Variants in CNTNAP2 observed in about 807,000 individuals in gnomAD.
The protein encoded by CNTNAP2 is contactin-associated protein-like 2.
CNTNAP2 carries 98 observed loss-of-function variants against 155.2 expected under a neutral mutation model. The ratio of observed to expected loss-of-function variants is 0.63; its 90% CI spans 0.54 to 0.75. CNTNAP2 has a LOEUF of 0.75. CNTNAP2 is among the 30% of genes least tolerant of loss of function. The pLI is 0.00. For synonymous variants in CNTNAP2, 651 were observed against 631.2 expected, an observed-to-expected ratio of 1.03 and a Z score of -0.47; for missense variants, 1,727 against 1,688.1, an observed-to-expected ratio of 1.02 and a Z score of -0.40.
intron 8 of CNTNAP2, among the ~76,000 whole-genome samples, chr7:147,236,494 A>C (rs934770734): frequency 2.0e-5 from 3 of 150,000 alleles, no homozygotes; most frequent in Non-Finnish European, 4.4e-5. Context: ...GATCATTCCA[A>C]TTTCACTGGA....
At chr7:148,256,737 T>C (rs2116824910) in intron 20 of CNTNAP2, among the ~76,000 whole-genome samples, 1 of 152,268 alleles carries the variant, frequency 6.6e-6, no homozygotes, top group Non-Finnish European at 1.5e-5. Flanking sequence ...GGATCTCTTC[T>C]AGTTTTGCAG....
intron 1 of CNTNAP2, among the ~76,000 whole-genome samples, chr7:146,371,793 T>TA (rs1289055096): frequency 2.6e-4 from 39 of 151,632 alleles, no homozygotes; most frequent in African/African-American, 9.4e-4. Context: ...CGTCTCTACT[T>TA]TAAAAAAATG....
At chr7:146,616,093 TATAGAA>T (rs1160160661) in intron 1 of CNTNAP2, among the ~76,000 whole-genome samples, 1 of 151,878 alleles carries the variant, frequency 6.6e-6, no homozygotes, top group Non-Finnish European at 1.5e-5. Flanking sequence ...TGCAGTAAAA[TATAGAA>T]AGAGAATCTA....
intron 3 of CNTNAP2, among the ~76,000 whole-genome samples, chr7:147,012,132 A>C (rs1584782566): frequency 6.6e-6 from 1 of 152,160 alleles, no homozygotes; most frequent in Non-Finnish European, 1.5e-5. Context: ...TAGGAATGTC[A>C]GTCATGACCT....
At chr7:146,170,828 C>G (rs934022846) in intron 1 of CNTNAP2, among the ~76,000 whole-genome samples, 1 of 152,000 alleles carries the variant, frequency 6.6e-6, no homozygotes, top group African/African-American at 2.4e-5. Context: ...GAGTTCTGGA[C>G]CAGCCTGGCC....
At chr7:147,851,001 A>G (rs201143639) in intron 13 of CNTNAP2, among the ~76,000 whole-genome samples, 5 of 152,146 alleles carry the variant, frequency 3.3e-5, no homozygotes, top group African/African-American at 9.7e-5. Flanking sequence ...CAGAATGGGA[A>G]AAAATTTTTG....
At chr7:147,519,023 CAAAAAA>C (rs149054741) in intron 11 of CNTNAP2, among the ~76,000 whole-genome samples, 2 of 102,272 alleles carry the variant, frequency 2.0e-5, no homozygotes, top group Non-Finnish European at 3.9e-5. Context: ...GACTCTGTCT[CAAAAAA>C]AAAAAAAAAA....
At position 147,140,544 on chromosome 7, in the gene CNTNAP2, A is replaced by G. The variant is rs542267400; in HGVS notation, c.1348+8035A>G. 1.5e-3 allele frequency among the ~76,000 whole-genome samples: 223 copies of G among 152,194 alleles called. 2 individuals carry two copies. Among genetic ancestry groups the G allele is most frequent in the Non-Finnish European group, 1.6e-3 (111 of 68,012 alleles). ...CCTCCCAATCTCAACTGCTGCTATCAATCCTTGTGCACACCTGTGCCAAAT... is the reference window on the plus strand; with the variant it reads ...CCTCCCAATCTCAACTGCTGCTATCGATCCTTGTGCACACCTGTGCCAAAT... On this transcript the variant is annotated intron_variant, in intron 8 of 23. Transcript: ENST00000361727.
At position 147,805,167 on chromosome 7, in the gene CNTNAP2, G is replaced by A. The variant is rs189813641; in HGVS notation, c.2099-98398G>A. Among the ~76,000 whole-genome samples the A allele has an allele frequency of 1.3e-4, 19 of 151,862 alleles. 1 individual carries two copies. The East Asian group carries it at 3.1e-3, about 25-fold the overall frequency. On this transcript the variant is annotated intron_variant, in intron 13 of 23. Coordinates refer to ENST00000361727, the MANE Select transcript of CNTNAP2 (RefSeq NM_014141.6). ...GCTCACTGCAACCTCCACCACCCAG[G>A]TTCAAGCGATTCTCCTGCCTCAGCC...
chr7:148,288,079 C>G (rs547742445), intron 21 of CNTNAP2, among the ~76,000 whole-genome samples: 1 of 149,804 alleles, frequency 6.7e-6, no homozygotes, highest in Non-Finnish European at 1.5e-5. Flanking sequence ...CGTGAGCCAC[C>G]GCGCCCAACC....
chr7:148,026,583 A>G (rs1471610151), intron 15 of CNTNAP2, among the ~76,000 whole-genome samples: 1 of 152,192 alleles, frequency 6.6e-6, no homozygotes, highest in African/African-American at 2.4e-5. Flanking sequence ...AGTAAGTCAG[A>G]TTCTTGATTT....
chr7:146,184,983 T>C (rs1798602102), intron 1 of CNTNAP2, among the ~76,000 whole-genome samples: 2 of 152,126 alleles, frequency 1.3e-5, no homozygotes, highest in Middle Eastern at 3.2e-3. Flanking sequence ...TGCTAAAAGT[T>C]AAAGAAATAA....
Position 146,466,237 on chromosome 7 carries a change from G to C in CNTNAP2, c.98-308034G>C, listed in dbSNP as rs557025879. 4.6e-5 allele frequency among the ~76,000 whole-genome samples: 7 copies of C among 152,292 alleles called. No homozygotes were observed. In the South Asian group the frequency reaches 1.5e-3, roughly 32 times the overall value. Reference sequence around the variant, plus strand: ...TAAAAGCTGATACAAAGTGAAGGATGCACCGGGTCAGAGGATCTGAGAGGT... The same window carrying C: ...TAAAAGCTGATACAAAGTGAAGGATCCACCGGGTCAGAGGATCTGAGAGGT... On this transcript the variant is annotated intron_variant, in intron 1 of 23. Coordinates refer to ENST00000361727, the MANE Select transcript of CNTNAP2 (RefSeq NM_014141.6).
intron 18 of CNTNAP2, among the ~76,000 whole-genome samples, chr7:148,194,629 A>G (rs913725650): frequency 3.9e-5 from 6 of 152,116 alleles, no homozygotes; most frequent in African/African-American, 1.4e-4. Flanking sequence ...ATTCAGTCTG[A>G]GTCTGAAGGC....
chr7:147,798,990 T>A (rs1797946477), intron 13 of CNTNAP2, among the ~76,000 whole-genome samples: 1 of 152,176 alleles, frequency 6.6e-6, no homozygotes, highest in South Asian at 2.1e-4. Flanking sequence ...GTAAGCTTGC[T>A]GAAGCTCACC....
intron 4 of CNTNAP2, among the ~76,000 whole-genome samples, chr7:147,083,567 C>CAT (rs1188348260): frequency 3.1e-4 from 44 of 140,232 alleles, no homozygotes; most frequent in Non-Finnish European, 4.3e-4. Flanking sequence ...TATATATACA[C>CAT]ATATATATGT....
intron 13 of CNTNAP2, among the ~76,000 whole-genome samples, chr7:147,642,672 CT>C (rs1220237412): frequency 2.6e-5 from 4 of 152,102 alleles, no homozygotes; most frequent in Admixed American, 6.6e-5. Context: ...ACGAGAAAAA[CT>C]GCTAAATTGA....
At chr7:148,173,960 T>C (rs1003205688) in intron 18 of CNTNAP2, among the ~76,000 whole-genome samples, 2 of 152,170 alleles carry the variant, frequency 1.3e-5, no homozygotes, top group Non-Finnish European at 2.9e-5. Context: ...ACGCAAAACC[T>C]CTGGAGATTA....
intron 1 of CNTNAP2, among the ~76,000 whole-genome samples, chr7:146,183,976 G>A (rs763821270): frequency 1.3e-5 from 2 of 152,056 alleles, no homozygotes; most frequent in East Asian, 3.9e-4. Flanking sequence ...ATCTCTGCCC[G>A]GAAGTATGGA....
Sources: allele counts gnomAD v4.1 joint callset (sites outside exome capture counted in the v4.1 genomes callset), GRCh38; gene constraint gnomAD v4.1.1; transcripts MANE v1.5; gene names NCBI Gene and HGNC (gene_info 2026-07-23, HGNC 2026-07-21).